Variants in CACNA1C observed in about 807,000 individuals in gnomAD.
CACNA1C encodes voltage-dependent L-type calcium channel subunit alpha-1C.
A neutral mutation model predicts 229.0 loss-of-function variants in CACNA1C; 30 were observed. The ratio of observed to expected loss-of-function variants is 0.13; its 90% confidence interval spans 0.10 to 0.18. CACNA1C has a LOEUF of 0.18. Ranked by LOEUF, CACNA1C falls within the 10% of genes least tolerant of loss-of-function variation. The pLI is 1.00. For synonymous variants in CACNA1C, 1,114 were observed against 1,132.5 expected, an observed-to-expected ratio of 0.98 and a Z score of 0.33; for missense variants, 1,658 against 2,845.0, an observed-to-expected ratio of 0.58 and a Z score of 9.49.
intron 3 of CACNA1C, among the ~76,000 whole-genome samples, chr12:2,122,983 G>A (rs964000972): frequency 7.2e-5 from 11 of 152,222 alleles, no homozygotes; most frequent in Admixed American, 2.0e-4. Flanking sequence ...TCCTCGCAGG[G>A]ATGCCGATGA....
chr12:2,526,633 C>T (rs570650089), intron 9 of CACNA1C, among the ~76,000 whole-genome samples: 1 of 152,326 alleles, frequency 6.6e-6, no homozygotes, highest in African/African-American at 2.4e-5. Flanking sequence ...CATCCAGAGT[C>T]ATCCCTCCTC....
In CACNA1C at chr12:2,000,163, G is replaced by A. The variant is rs2041863912; in HGVS notation, c.139+28962G>A. Among the ~76,000 whole-genome samples the A allele has an allele frequency of 2.6e-5, 4 of 152,166 alleles. No homozygotes were observed. In the South Asian group the frequency reaches 8.3e-4, roughly 31 times the overall value. On this transcript the variant is annotated intron_variant, in intron 1 of 46. Coordinates refer to the CACNA1C transcript ENST00000682462. ...AAAGTTTAACTGATTCAGTCAGCAA[G>A]TATTCACAAGTCCACAAAGCATTTA...
In CACNA1C at chr12:2,413,761, C is replaced by T. The variant is rs1417699719; in HGVS notation, c.478-35215C>T. Among the ~76,000 whole-genome samples the T allele has an allele frequency of 2.0e-5, 3 of 152,202 alleles. No homozygotes were observed. The East Asian group carries it at 5.8e-4, about 29-fold the overall frequency. ...TGCATCTTTGCTCACCATGGTCCTT[C>T]CACGGAGAAGGCCCTCCACTGCCAT... is the stretch of plus-strand genomic sequence containing the variant. On this transcript the variant is annotated intron_variant, in intron 3 of 46. Transcript: ENST00000399655.
rs1743540097 is a variant in CACNA1C at position 2,348,362 on chromosome 12, C to A, written c.478-100614C>A. 6.6e-6 allele frequency among the ~76,000 whole-genome samples: 1 copy of A among 152,234 alleles called. No individual in the cohort carries two copies. The highest frequency in any genetic ancestry group is 2.4e-5 in the African/African-American group (1 of 41,472). On this transcript the variant is annotated intron_variant, in intron 3 of 46. Coordinates refer to ENST00000399655, the MANE Select transcript of CACNA1C (RefSeq NM_000719.7). The surrounding 1 kb of genome is among the most constrained non-coding windows in gnomAD (Gnocchi z 4.7). Reference sequence around the variant, plus strand: ...CTATGTGCGGGGGACTTCCCAAGAGCTCCCGGCCCACGACTGAGTCACGCG... The same window carrying A: ...CTATGTGCGGGGGACTTCCCAAGAGATCCCGGCCCACGACTGAGTCACGCG...
chr12:2,548,273 C>T (rs982497865), intron 9 of CACNA1C, among the ~76,000 whole-genome samples: 1 of 152,152 alleles, frequency 6.6e-6, no homozygotes, highest in African/African-American at 2.4e-5. Context: ...CTGTGGAATT[C>T]AGTGCCCCTG....
At chr12:2,114,487 T>G (rs1354367121) in intron 1 of CACNA1C, among the ~76,000 whole-genome samples, 1 of 152,174 alleles carries the variant, frequency 6.6e-6, no homozygotes, top group East Asian at 1.9e-4. Flanking sequence ...GGCCTAGATC[T>G]TTCTCAATGA....
intron 29 of CACNA1C, among the ~76,000 whole-genome samples, chr12:2,626,404 G>A (rs1047653245): frequency 6.6e-6 from 1 of 152,202 alleles, no homozygotes. Context: ...GGGGTTCTAG[G>A]CAGGCAGGCG....
chr12:2,248,248 C>T (rs1470112390), intron 3 of CACNA1C, among the ~76,000 whole-genome samples: 3 of 152,166 alleles, frequency 2.0e-5, no homozygotes, highest in Non-Finnish European at 2.9e-5. Flanking sequence ...ATAAATATAA[C>T]CAGTGAGCAG....
chr12:2,641,576 G>T, intron 30 of CACNA1C: 1 of 601,270 alleles, frequency 1.7e-6, no homozygotes, highest in South Asian at 2.0e-5. Context: ...CCCACTTTCG[G>T]CAACAGCCCC....
intron 5 of CACNA1C, among the ~76,000 whole-genome samples, chr12:2,470,943 G>C (rs893530526): frequency 6.6e-6 from 1 of 151,656 alleles, no homozygotes; most frequent in Admixed American, 6.6e-5. Context: ...AATGATTCTC[G>C]TGCCTCATCT....
intron 1 of CACNA1C, among the ~76,000 whole-genome samples, chr12:2,033,541 C>CT (rs1452196677): frequency 2.0e-5 from 3 of 152,154 alleles, no homozygotes; most frequent in Non-Finnish European, 2.9e-5. Context: ...GTCCTTGGGG[C>CT]TTGGGGGCAT....
intron 5 of CACNA1C, among the ~76,000 whole-genome samples, chr12:2,459,421 A>C (rs953609280): frequency 1.3e-5 from 2 of 152,050 alleles, no homozygotes; most frequent in Non-Finnish European, 2.9e-5. Flanking sequence ...ACACAACATA[A>C]GCAAAGGGAA....
chr12:2,080,018 T>C (rs2064864003), intron 1 of CACNA1C, among the ~76,000 whole-genome samples: 1 of 152,210 alleles, frequency 6.6e-6, no homozygotes, highest in African/African-American at 2.4e-5. Flanking sequence ...CCCAACACTT[T>C]GGGAGGCTGA....
rs367773879 is a variant in CACNA1C, at chr12:2,666,740, A to G, written c.4581A>G (p.Pro1527=). 1.1e-5 allele frequency: 17 copies of G among 1,606,890 alleles called. No individual in the cohort carries two copies. The African/African-American group carries it at 2.1e-4, about 20-fold the overall frequency. The change falls in exon 37 of 47, where the codon CCA becomes CCG. Residue 1527 remains proline (P), a synonymous_variant. Transcript: ENST00000399655. The surrounding 1 kb of genome is among the most constrained non-coding windows in gnomAD (Gnocchi z 5.3). ...CCCTCCTCCGGCGGATTCAGCCGCC[A>G]CTAGGTTTTGGGAAGCTGTGCCCTC... ...VVTLLRRIQP[P]LGFGKLCPHR... is the part of the protein sequence containing the mutation.
In CACNA1C at chr12:2,632,202, G is replaced by A. The variant is rs950216413; in HGVS notation, c.3829-2095G>A. Among the ~76,000 whole-genome samples, 11 of 152,210 alleles carry A rather than the reference G, an allele frequency of 7.2e-5. No individual in the cohort carries two copies. Among genetic ancestry groups the A allele is most frequent in the Admixed American group, 3.3e-4 (5 of 15,302 alleles). Reference sequence around the variant, plus strand: ...CGCAGACCATTTCTAAACTAAAGGCGTGAATGTTTTTTCTTAAAGAAGACA... The same window carrying A: ...CGCAGACCATTTCTAAACTAAAGGCATGAATGTTTTTTCTTAAAGAAGACA... On this transcript the variant is annotated intron_variant, in intron 29 of 46. Coordinates refer to ENST00000399655, the MANE Select transcript of CACNA1C (RefSeq NM_000719.7). The surrounding 1 kb of genome is among the most constrained non-coding windows in gnomAD (Gnocchi z 4.1).
rs926237460 is a variant in CACNA1C, at chr12:2,029,928, G to C, written c.139+58727G>C. 6.6e-6 allele frequency among the ~76,000 whole-genome samples: 1 copy of C among 152,190 alleles called. No homozygotes were observed. Among genetic ancestry groups the C allele is most frequent in the African/African-American group, 2.4e-5 (1 of 41,440 alleles). Reference sequence around the variant, plus strand: ...GGCATGAAGAAGGAAGGGACTTCAAGGGCTGGGCGATTTGGCCCCACCATG... The same window carrying C: ...GGCATGAAGAAGGAAGGGACTTCAACGGCTGGGCGATTTGGCCCCACCATG... On this transcript the variant is annotated intron_variant, in intron 1 of 46. Coordinates refer to the CACNA1C transcript ENST00000682462. The surrounding 1 kb of genome is among the most constrained non-coding windows in gnomAD (Gnocchi z 4.9).
intron 4 of CACNA1C, among the ~76,000 whole-genome samples, chr12:2,449,843 C>T (rs1019495638): frequency 7.9e-5 from 12 of 152,216 alleles, no homozygotes; most frequent in African/African-American, 1.9e-4. Flanking sequence ...GCAGCTCGTC[C>T]GTGAGCATGC....
chr12:2,416,828 A>T (rs2098913490), intron 3 of CACNA1C, among the ~76,000 whole-genome samples: 3 of 152,190 alleles, frequency 2.0e-5, no homozygotes, highest in African/African-American at 7.2e-5. Flanking sequence ...ACAAACGAGG[A>T]CTCTAAGAAT....
chr12:2,224,377 C>T (rs1018360789), intron 3 of CACNA1C, among the ~76,000 whole-genome samples: 4 of 152,218 alleles, frequency 2.6e-5, no homozygotes, highest in Non-Finnish European at 5.9e-5. Flanking sequence ...ATCCCCCTGG[C>T]GGAGCCTCTG....
Sources: allele counts gnomAD v4.1 joint callset (sites outside exome capture counted in the v4.1 genomes callset), GRCh38; gene constraint gnomAD v4.1.1; non-coding constraint Gnocchi (gnomAD v3.1); transcripts MANE v1.5; gene names NCBI Gene and HGNC (gene_info 2026-07-23, HGNC 2026-07-21).